PTPRD: variants seen among roughly 807,000 people sequenced by gnomAD.
The protein encoded by PTPRD is receptor-type tyrosine-protein phosphatase delta.
PTPRD carries 34 observed loss-of-function variants against 214.5 expected under a neutral mutation model. That is an observed-to-expected ratio of 0.16 (90% CI 0.12 to 0.21). The LOEUF (loss-of-function observed/expected upper bound fraction) is 0.21. PTPRD is among the 10% of genes least tolerant of loss of function. PTPRD has a pLI of 1.00. For synonymous variants in PTPRD, 1,128 were observed against 845.7 expected (o/e 1.33, Z -5.79); for missense variants, 2,545 against 2,398.7 (o/e 1.06, Z -1.27).
At chr9:8,364,574 C>G (rs2079314595) in intron 39 of PTPRD, among the ~76,000 whole-genome samples, 1 of 152,224 alleles carries the variant, frequency 6.6e-6, no homozygotes, top group African/African-American at 2.4e-5. Context: ...GGCAGATACA[C>G]AAGGCAGCCA....
rs186853862 is a variant in PTPRD, at chr9:9,368,408, C to T, written c.-203+29041G>A. ...CCATTCATTCCTTGTTAGGAATCTA[C>T]ATTTGCATCCTTTCATCTACTACAA... is the stretch of plus-strand genomic sequence containing the variant. On this transcript the variant is annotated intron_variant, in intron 9 of 45. Coordinates refer to ENST00000381196, the MANE Select transcript of PTPRD (RefSeq NM_002839.4). Among the ~76,000 whole-genome samples, 14 of 151,950 alleles carry T rather than the reference C, an allele frequency of 9.2e-5. No individual in the cohort carries two copies. In the East Asian group the frequency reaches 2.5e-3, roughly 27 times the overall value.
At chr9:9,061,632 A>G (rs954715054) in intron 10 of PTPRD, among the ~76,000 whole-genome samples, 2 of 152,154 alleles carry the variant, frequency 1.3e-5, no homozygotes, top group South Asian at 2.1e-4. Flanking sequence ...GGGTCACAGC[A>G]GGACATGTAG....
chr9:9,415,863 C>T (rs926772971), intron 8 of PTPRD, among the ~76,000 whole-genome samples: 4 of 152,074 alleles, frequency 2.6e-5, no homozygotes, highest in African/African-American at 9.7e-5. Context: ...CCCGGTTAGT[C>T]GGGTAGGACG....
At chr9:9,811,376 G>A (rs1180099572) in intron 5 of PTPRD, among the ~76,000 whole-genome samples, 1 of 152,094 alleles carries the variant, frequency 6.6e-6, no homozygotes, top group Non-Finnish European at 1.5e-5. Flanking sequence ...ATCTCATGAT[G>A]AAACTTTAAC....
chr9:10,369,767 C>T (rs926146840), intron 2 of PTPRD, among the ~76,000 whole-genome samples: 9 of 151,696 alleles, frequency 5.9e-5, no homozygotes, highest in Non-Finnish European at 2.9e-5. Context: ...TCAATACTTT[C>T]CAAAAGAATA....
chr9:10,078,767 ATTCT>A (rs1394886960), intron 3 of PTPRD, among the ~76,000 whole-genome samples: 1 of 152,036 alleles, frequency 6.6e-6, no homozygotes, highest in South Asian at 2.1e-4. Flanking sequence ...AATGTTTCCT[ATTCT>A]TTCTTCTGTG....
At chr9:9,346,836 G>C (rs1254456846) in intron 9 of PTPRD, among the ~76,000 whole-genome samples, 4 of 152,054 alleles carry the variant, frequency 2.6e-5, no homozygotes, top group African/African-American at 9.7e-5. Context: ...GGGATTACAG[G>C]CGCCTGACAC....
intron 5 of PTPRD, among the ~76,000 whole-genome samples, chr9:9,900,949 T>A (rs999873747): frequency 2.0e-5 from 3 of 152,146 alleles, no homozygotes; most frequent in African/African-American, 4.8e-5. Context: ...ATTTTATGTA[T>A]TAGTCCATTT....
intron 2 of PTPRD, among the ~76,000 whole-genome samples, chr9:10,568,508 T>C (rs1269613230): frequency 6.6e-6 from 1 of 152,108 alleles, no homozygotes; most frequent in Non-Finnish European, 1.5e-5. Flanking sequence ...GGTCAAATGG[T>C]ATTTCTAGTT....
Position 10,593,639 on chromosome 9 carries a change from T to C in PTPRD, c.-600+18759A>G, listed in dbSNP as rs145358675. 1.4e-3 allele frequency among the ~76,000 whole-genome samples: 214 copies of C among 152,164 alleles called. 1 individual carries two copies. The highest frequency in any genetic ancestry group is 5.1e-3 in the African/African-American group (210 of 41,566). ...TATATCATGAATAGTCCTGTTTTAATATATATGACAGACTTCATATTAATA... is the reference window on the plus strand; with the variant it reads ...TATATCATGAATAGTCCTGTTTTAACATATATGACAGACTTCATATTAATA... On this transcript the variant is annotated intron_variant, in intron 2 of 45. Transcript: ENST00000381196.
At chr9:10,365,864 T>G (rs528880091) in intron 2 of PTPRD, among the ~76,000 whole-genome samples, 2 of 152,192 alleles carry the variant, frequency 1.3e-5, no homozygotes, top group South Asian at 2.1e-4. Flanking sequence ...TGGAAAATAT[T>G]TGTAGAAAGC....
chr9:8,500,558 G>GGAAAAAAAAAAAAAAAAAAAAAAAA lies in PTPRD; in HGVS notation c.2128+195_2128+196insTTTTTTTTTTTTTTTTTTTTTTTTC, dbSNP rs2097373754. Among the ~76,000 whole-genome samples the GGAAAAAAAAAAAAAAAAAAAAAAAA allele has an allele frequency of 1.7e-3, 24 of 14,316 alleles. 4 individuals are homozygous for GGAAAAAAAAAAAAAAAAAAAAAAAA. The highest frequency in any genetic ancestry group is 3.1e-3 in the East Asian group (2 of 654). 9.4% of individuals were successfully genotyped at this position (14,316 alleles called of 152,430 possible). A position where few individuals can be genotyped will look rare whatever the true frequency, so the allele number is the denominator to read the frequency against. Reference sequence around the variant, plus strand: ...TTACTGCATTGAGATTGAAAAAAATGAAAAAAAAAAAAAAAAAAAAAAAAA... The same window carrying GGAAAAAAAAAAAAAAAAAAAAAAAA: ...TTACTGCATTGAGATTGAAAAAAATGGAAAAAAAAAAAAAAAAAAAAAAAAAAAAAAAAAAAAAAAAAAAAAAAAA... On this transcript the variant is annotated intron_variant, in intron 24 of 45. Transcript: ENST00000381196.
At chr9:8,401,468 TTC>T (rs2092380594) in intron 36 of PTPRD, among the ~76,000 whole-genome samples, 1 of 152,200 alleles carries the variant, frequency 6.6e-6, no homozygotes, top group African/African-American at 2.4e-5. Flanking sequence ...AAAAATTCAA[TTC>T]TGTTTCCATA....
intron 12 of PTPRD, among the ~76,000 whole-genome samples, chr9:8,656,756 C>G (rs1040041964): frequency 1.3e-5 from 2 of 152,144 alleles, no homozygotes; most frequent in Admixed American, 6.5e-5. Flanking sequence ...TACTGGCCTT[C>G]CGGTATAGGA....
At chr9:9,578,489 G>GGA (rs1176180475) in intron 7 of PTPRD, among the ~76,000 whole-genome samples, 6 of 151,774 alleles carry the variant, frequency 4.0e-5, no homozygotes, top group Admixed American at 3.9e-4. Flanking sequence ...TTTGGGGGAG[G>GGA]GAGAGGAAAT....
intron 4 of PTPRD, among the ~76,000 whole-genome samples, chr9:9,947,008 G>A (rs1225644213): frequency 6.6e-6 from 1 of 151,424 alleles, no homozygotes; most frequent in Non-Finnish European, 1.5e-5. Context: ...ATTTGCTTGT[G>A]AAGATCAGAA....
chr9:10,140,726 G>C (rs1169821089), intron 3 of PTPRD, among the ~76,000 whole-genome samples: 1 of 152,064 alleles, frequency 6.6e-6, no homozygotes, highest in Non-Finnish European at 1.5e-5. Flanking sequence ...GAAAAAAAAG[G>C]GAATCCTCCC....
chr9:10,262,841 G>A (rs973914073), intron 3 of PTPRD, among the ~76,000 whole-genome samples: 6 of 152,130 alleles, frequency 3.9e-5, no homozygotes, highest in African/African-American at 1.4e-4. Flanking sequence ...TGGTTTGGCT[G>A]TCTCCTCACC....
At chr9:8,479,881 T>C (rs569827072) in intron 30 of PTPRD, among the ~76,000 whole-genome samples, 3 of 152,198 alleles carry the variant, frequency 2.0e-5, no homozygotes, top group Non-Finnish European at 4.4e-5. Flanking sequence ...TCCTTCATTA[T>C]TTGTAACTTT....
Sources: gnomAD v4.1 joint callset for allele counts (sites outside exome capture counted in the v4.1 genomes callset) on GRCh38, gnomAD v4.1.1 for gene constraint, MANE v1.5 for transcripts, NCBI Gene and HGNC (gene_info 2026-07-23, HGNC 2026-07-21) for gene names.